CSMD1: variants seen among roughly 807,000 people sequenced by gnomAD.
CSMD1 encodes the protein CUB and Sushi multiple domains 1.
A neutral mutation model predicts 417.5 loss-of-function variants in CSMD1; 213 were observed. The ratio of observed to expected loss-of-function variants is 0.51; its 90% CI spans 0.46 to 0.57. CSMD1 has a LOEUF of 0.57. Ranked by LOEUF, CSMD1 falls within the 20% of genes least tolerant of loss-of-function variation. The probability of loss-of-function intolerance (pLI) is 0.00; values close to 1 mark genes in which losing one functional copy is unlikely to be tolerated. For missense variants in CSMD1, 6,923 were observed against 4,529.7 expected (o/e 1.53, Z -15.17); for synonymous variants, 2,862 against 1,736.8 (o/e 1.65, Z -16.11).
chr8:4,253,494 A>T (rs535638616), intron 3 of CSMD1, among the ~76,000 whole-genome samples: 1 of 152,280 alleles, frequency 6.6e-6, no homozygotes, highest in Non-Finnish European at 1.5e-5. Flanking sequence ...TATGCACCAG[A>T]CACTAGGTTA....
rs533647630 is a variant in CSMD1 at position 4,564,002 on chromosome 8, G to A, written c.302+73340C>T. Among the ~76,000 whole-genome samples the A allele has an allele frequency of 8.9e-4, 135 of 152,298 alleles. 2 individuals carry two copies. The highest frequency in any genetic ancestry group is 1.6e-3 in the Non-Finnish European group (109 of 68,022). ...CATCTGCAGATTCCCAGGAAAATGA[G>A]GAGTTACGCCCATGGAGTTGCAACT... On this transcript the variant is annotated intron_variant, in intron 2 of 69. Transcript: ENST00000635120.
intron 42 of CSMD1, among the ~76,000 whole-genome samples, chr8:3,110,993 A>AC (rs1475804727): frequency 6.6e-6 from 1 of 152,192 alleles, no homozygotes; most frequent in Non-Finnish European, 1.5e-5. Context: ...ATGGAAAATG[A>AC]CATGTCCAAA....
chr8:4,425,169 T>C (rs1797476231), intron 2 of CSMD1, among the ~76,000 whole-genome samples: 1 of 152,058 alleles, frequency 6.6e-6, no homozygotes. Context: ...TATTAAGTTT[T>C]ATAAAAAATT....
At chr8:4,167,342 G>C (rs1406227617) in intron 3 of CSMD1, among the ~76,000 whole-genome samples, 7 of 152,154 alleles carry the variant, frequency 4.6e-5, no homozygotes, top group African/African-American at 1.4e-4. Context: ...GTAAGACTTT[G>C]TGAAGGGTGC....
chr8:4,271,400 T>G (rs182762290), intron 3 of CSMD1, among the ~76,000 whole-genome samples: 142 of 152,234 alleles, frequency 9.3e-4, no homozygotes, highest in African/African-American at 3.2e-3. Context: ...ATACGTAGCT[T>G]TGCCTGATGC....
chr8:3,391,886 G>A (rs370949215), intron 17 of CSMD1, among the ~76,000 whole-genome samples: 3 of 152,130 alleles, frequency 2.0e-5, no homozygotes, highest in East Asian at 3.9e-4. Flanking sequence ...AAACATGTAT[G>A]ATGAAACAGA....
At chr8:4,732,355 G>GTGTC (rs1554461241) in intron 1 of CSMD1, among the ~76,000 whole-genome samples, 1 of 146,940 alleles carries the variant, frequency 6.8e-6, no homozygotes, top group African/African-American at 2.6e-5. Context: ...GTGTGTGTGT[G>GTGTC]TGTGTGTGTG....
At chr8:4,733,709 C>G (rs1445013794) in intron 1 of CSMD1, among the ~76,000 whole-genome samples, 1 of 152,136 alleles carries the variant, frequency 6.6e-6, no homozygotes. Flanking sequence ...CTATCTATGA[C>G]TTAACAAAGA....
intron 3 of CSMD1, among the ~76,000 whole-genome samples, chr8:4,268,553 T>A (rs1804368302): frequency 6.6e-6 from 1 of 152,148 alleles, no homozygotes; most frequent in Non-Finnish European, 1.5e-5. Flanking sequence ...TTCACTTACT[T>A]GAAAGATTAG....
intron 41 of CSMD1, among the ~76,000 whole-genome samples, chr8:3,129,407 T>C (rs185765822): frequency 2.2e-3 from 333 of 152,320 alleles, no homozygotes; most frequent in Non-Finnish European, 3.6e-3. Flanking sequence ...TTGAAATAAT[T>C]GGTAGCTTTT....
At chr8:3,254,970 T>G (rs988837360) in intron 26 of CSMD1, among the ~76,000 whole-genome samples, 2 of 152,222 alleles carry the variant, frequency 1.3e-5, no homozygotes, top group African/African-American at 4.8e-5. Flanking sequence ...TTTACAGTTT[T>G]TCTGCTCTGT....
chr8:3,880,604 T>C (rs1392077286), intron 5 of CSMD1, among the ~76,000 whole-genome samples: 3 of 152,224 alleles, frequency 2.0e-5, no homozygotes, highest in East Asian at 1.9e-4. Context: ...TACTATATTT[T>C]TGGATTCTCC....
intron 3 of CSMD1, among the ~76,000 whole-genome samples, chr8:4,185,711 A>G (rs1037324756): frequency 5.3e-5 from 8 of 152,208 alleles, no homozygotes; most frequent in African/African-American, 1.9e-4. Context: ...GTACTGAAAT[A>G]TGTTCGTCAG....
chr8:3,536,249 CTGAGT>C lies in CSMD1; in HGVS notation c.1344+38691_1344+38695del, dbSNP rs1230260470. Among the ~76,000 whole-genome samples, 18 of 152,282 alleles carry C rather than the reference CTGAGT, an allele frequency of 1.2e-4. No individual in the cohort carries two copies. In the East Asian group the frequency reaches 3.5e-3, roughly 29 times the overall value. ...GCATCAATATTAATTTATAAATGAG[CTGAGT>C]TAATAAGTTTGTGTGTATGACAGCA... On this transcript the variant is annotated intron_variant, in intron 10 of 69. Coordinates refer to ENST00000635120, the MANE Select transcript of CSMD1 (RefSeq NM_033225.6).
intron 7 of CSMD1, among the ~76,000 whole-genome samples, chr8:3,688,855 A>T (rs1800081805): frequency 1.3e-5 from 2 of 152,340 alleles, no homozygotes; most frequent in East Asian, 1.9e-4. Flanking sequence ...ATCAATTAAA[A>T]AGAATAGAGA....
intron 3 of CSMD1, among the ~76,000 whole-genome samples, chr8:4,062,611 G>T (rs1799034776): frequency 1.3e-5 from 2 of 152,110 alleles, no homozygotes; most frequent in East Asian, 3.9e-4. Context: ...TGATCTTAAA[G>T]CTGGAAAAAC....
At chr8:4,811,830 T>G (rs971175156) in intron 1 of CSMD1, among the ~76,000 whole-genome samples, 3 of 152,136 alleles carry the variant, frequency 2.0e-5, no homozygotes, top group Admixed American at 6.5e-5. Context: ...AAGATGTGAT[T>G]TTTTTTCTTC....
At chr8:4,204,037 G>T (rs932151830) in intron 3 of CSMD1, among the ~76,000 whole-genome samples, 3 of 152,168 alleles carry the variant, frequency 2.0e-5, no homozygotes, top group Admixed American at 2.0e-4. Flanking sequence ...GTGGGCAGAA[G>T]TTGCGGTGAG....
At chr8:4,970,673 T>A (rs1810184186) in intron 1 of CSMD1, among the ~76,000 whole-genome samples, 1 of 152,098 alleles carries the variant, frequency 6.6e-6, no homozygotes, top group Non-Finnish European at 1.5e-5. Flanking sequence ...TAAAAAGTTA[T>A]AAATAAATAG....
Sources: allele counts gnomAD v4.1 joint callset (sites outside exome capture counted in the v4.1 genomes callset), GRCh38; gene constraint gnomAD v4.1.1; transcripts MANE v1.5; gene names NCBI Gene and HGNC (gene_info 2026-07-23, HGNC 2026-07-21).